The following DPP6 variants were observed in gnomAD, a reference collection of about 807,000 sequenced individuals.
DPP6 encodes the protein dipeptidyl peptidase like 6, also known as A-type potassium channel modulatory protein DPP6.
Under a neutral mutation model 122.6 loss-of-function variants are expected in DPP6, and 69 were observed. That is an observed-to-expected ratio of 0.56 (90% CI 0.46 to 0.69). DPP6 has a LOEUF of 0.69. Ranked by LOEUF, DPP6 falls within the 30% of genes least tolerant of loss-of-function variation. The pLI, the probability that DPP6 is intolerant of heterozygous loss-of-function variation, is 0.00. For missense variants in DPP6, 928 were observed against 1,116.9 expected (o/e 0.83, Z 2.41); for synonymous variants, 418 against 433.1 (o/e 0.97, Z 0.43).
chr7:154,142,601 C>G (rs1377380345), intron 1 of DPP6, among the ~76,000 whole-genome samples: 1 of 152,140 alleles, frequency 6.6e-6, no homozygotes, highest in Non-Finnish European at 1.5e-5. Context: ...TTACTTAGTT[C>G]TGTTCTTTTT....
the DPP6 span, among the ~76,000 whole-genome samples, chr7:153,764,661 TTC>T: frequency 6.6e-6 from 1 of 151,620 alleles, no homozygotes; most frequent in Admixed American, 6.6e-5. Context: ...TTTTAGCCTT[TTC>T]TCTCACTGTG....
At chr7:154,235,897 G>A (rs1801182710) in intron 1 of DPP6, among the ~76,000 whole-genome samples, 1 of 152,124 alleles carries the variant, frequency 6.6e-6, no homozygotes, top group African/African-American at 2.4e-5. Flanking sequence ...CTGTTGCCCA[G>A]GCTGGAGTGC....
chr7:154,552,800 G>A (rs1829728842), intron 4 of DPP6, among the ~76,000 whole-genome samples: 1 of 152,202 alleles, frequency 6.6e-6, no homozygotes, highest in South Asian at 2.1e-4. Context: ...TTTCATTGGA[G>A]GGTATGATAC....
chr7:153,809,278 C>A, the DPP6 span, among the ~76,000 whole-genome samples: 1 of 151,798 alleles, frequency 6.6e-6, no homozygotes, highest in South Asian at 2.1e-4. Flanking sequence ...GTAGGAGTTC[C>A]TTCTTCTCTT....
At chr7:154,445,160 C>G (rs56131272) in intron 1 of DPP6, among the ~76,000 whole-genome samples, 2,760 of 152,234 alleles carry the variant, frequency 0.018, 34 homozygotes, top group Non-Finnish European at 0.023. Context: ...GCATTGTCTA[C>G]TTTTTAAGGC....
the DPP6 span, among the ~76,000 whole-genome samples, chr7:153,764,775 G>A: frequency 1.3e-5 from 2 of 151,120 alleles, no homozygotes; most frequent in African/African-American, 4.9e-5. Flanking sequence ...ATTCCCCCAT[G>A]TAGTTCACTT....
chr7:154,287,504 C>T lies in DPP6; in HGVS notation c.244-158710C>T, dbSNP rs576988476. On this transcript the variant is annotated intron_variant, in intron 1 of 25. Coordinates refer to ENST00000377770, the MANE Select transcript of DPP6 (RefSeq NM_130797.4). ...TTGTTATGCTGCTGGACAGATCCCA[C>T]GTGGGCCCTGTTCTCTGTCATTGCC... Among the ~76,000 whole-genome samples the T allele has an allele frequency of 3.3e-4, 50 of 152,304 alleles. 1 individual carries two copies. The highest frequency in any genetic ancestry group is 2.7e-3 in the South Asian group (13 of 4,816).
At chr7:154,365,863 CA>C (rs1812127991) in intron 1 of DPP6, among the ~76,000 whole-genome samples, 1 of 149,174 alleles carries the variant, frequency 6.7e-6, no homozygotes, top group Admixed American at 6.8e-5. Flanking sequence ...GAGGCTGAAG[CA>C]GGAGAATGGC....
chr7:154,218,673 TG>T (rs1800139477), intron 1 of DPP6, among the ~76,000 whole-genome samples: 2 of 152,232 alleles, frequency 1.3e-5, no homozygotes, highest in Non-Finnish European at 2.9e-5. Context: ...TCATTTTCCT[TG>T]TCTTCCTGTT....
the DPP6 span, among the ~76,000 whole-genome samples, chr7:153,825,648 C>A: frequency 6.6e-6 from 1 of 152,182 alleles, no homozygotes; most frequent in East Asian, 1.9e-4. Flanking sequence ...CAACCTCTGC[C>A]TCCTGGGTTC....
chr7:154,489,916 G>A (rs1053318019), intron 3 of DPP6, among the ~76,000 whole-genome samples: 5 of 152,280 alleles, frequency 3.3e-5, no homozygotes, highest in Admixed American at 2.0e-4. Flanking sequence ...TACCCTTTGC[G>A]AGGCAAGGAA....
intron 1 of DPP6, among the ~76,000 whole-genome samples, chr7:154,433,709 C>T (rs982185886): frequency 2.6e-5 from 4 of 152,196 alleles, no homozygotes. Flanking sequence ...ATTATTATTT[C>T]TTTTGTCCAA....
chr7:153,876,522 C>G, the DPP6 span, among the ~76,000 whole-genome samples: 1 of 152,024 alleles, frequency 6.6e-6, no homozygotes, highest in East Asian at 1.9e-4. Context: ...ATACCTCAAA[C>G]ATCTTTAAAT....
chr7:154,381,356 A>G (rs921610360), intron 1 of DPP6, among the ~76,000 whole-genome samples: 30 of 152,254 alleles, frequency 2.0e-4, no homozygotes, highest in South Asian at 6.2e-4. Context: ...CAGTATTCTC[A>G]GAATTTTGGC....
chr7:154,129,393 G>T (rs1585438532), intron 1 of DPP6, among the ~76,000 whole-genome samples: 1 of 152,190 alleles, frequency 6.6e-6, no homozygotes, highest in African/African-American at 2.4e-5. Context: ...TTAGAGGACA[G>T]AGCTGCTAAG....
rs899119321 is a variant in DPP6 at position 154,875,853 on chromosome 7, C to T, written c.1884-53C>T. ...TCATCTGACGTGGCAGCTGCTAGAC[C>T]AGCCGCCACCCACCACGCAGCAGGC... On this transcript the variant is annotated intron_variant, in intron 19 of 25. Transcript: ENST00000377770. The surrounding 1 kb of genome is among the most constrained non-coding windows in gnomAD (Gnocchi z 4.5). 6.4e-7 allele frequency: 1 copy of T among 1,562,248 alleles called. No individual in the cohort carries two copies. The highest frequency in any genetic ancestry group is 8.7e-7 in the Non-Finnish European group (1 of 1,155,332).
At chr7:154,517,962 C>G (rs184718896) in intron 3 of DPP6, among the ~76,000 whole-genome samples, 2 of 152,222 alleles carry the variant, frequency 1.3e-5, no homozygotes, top group African/African-American at 4.8e-5. Context: ...CCGGCTCCAC[C>G]GATAGCTATA....
At position 154,875,495 on chromosome 7, in the gene DPP6, G is replaced by T. The variant is rs1804770944; in HGVS notation, c.1884-411G>T. On this transcript the variant is annotated intron_variant, in intron 19 of 25. Transcript: ENST00000377770. The surrounding 1 kb of genome is among the most constrained non-coding windows in gnomAD (Gnocchi z 4.5). ...ATGTGGCTAGAGTCAGCGCGGCCTT[G>T]TCACTTGTGATGGGTACTGAGAGGT... 6.6e-6 allele frequency among the ~76,000 whole-genome samples: 1 copy of T among 152,246 alleles called. No homozygotes were observed. Among genetic ancestry groups the T allele is most frequent in the Non-Finnish European group, 1.5e-5 (1 of 68,044 alleles).
intron 1 of DPP6, among the ~76,000 whole-genome samples, chr7:153,982,487 A>G (rs1796636402): frequency 1.3e-5 from 2 of 152,044 alleles, no homozygotes; most frequent in South Asian, 4.1e-4. Context: ...ATTGGGTTAG[A>G]ACATGCTCCT....
Sources: gnomAD v4.1 joint callset for allele counts (sites outside exome capture counted in the v4.1 genomes callset) on GRCh38, gnomAD v4.1.1 for gene constraint, Gnocchi (gnomAD v3.1) non-coding constraint, MANE v1.5 for transcripts, NCBI Gene and HGNC (gene_info 2026-07-23, HGNC 2026-07-21) for gene names.